Variants in CRTAP observed in about 807,000 individuals in gnomAD.
The protein encoded by CRTAP is cartilage-associated protein.
CRTAP carries 33 observed loss-of-function variants against 42.7 expected under a neutral mutation model. The ratio of observed to expected loss-of-function variants is 0.77; its 90% CI spans 0.59 to 1.03. CRTAP has a LOEUF of 1.03. Ranked by LOEUF, CRTAP falls within the 50% of genes least tolerant of loss-of-function variation. CRTAP has a pLI of 0.00. For synonymous variants in CRTAP, 243 were observed against 217.7 expected, an observed-to-expected ratio of 1.12 and a Z score of -1.02; for missense variants, 613 against 533.9, an observed-to-expected ratio of 1.15 and a Z score of -1.46.
At chr3:33,120,100 T>C (rs907661804) in intron 1 of CRTAP, among the ~76,000 whole-genome samples, 5 of 152,144 alleles carry the variant, frequency 3.3e-5, no homozygotes, top group African/African-American at 1.2e-4. Context: ...TCCTGGGGCA[T>C]GTAGCCAGTG....
At chr3:33,122,950 T>G (rs1422737670) in intron 2 of CRTAP, among the ~76,000 whole-genome samples, 2 of 151,952 alleles carry the variant, frequency 1.3e-5, no homozygotes, top group Non-Finnish European at 2.9e-5. Flanking sequence ...ACTTCCTTGG[T>G]CCTAGTTTAT....
At chr3:33,130,159 AG>A (rs1364169734) in intron 4 of CRTAP, 92 bp downstream of exon 4, 1 of 1,322,860 alleles carries the variant, frequency 7.6e-7, no homozygotes, top group African/African-American at 1.5e-5. Flanking sequence ...GGTTGTTGAG[AG>A]TTCATCAAGG....
At chr3:33,134,018 A>C (rs921554431) in intron 5 of CRTAP, among the ~76,000 whole-genome samples, 164 bp from the exon 6 acceptor site, 8 of 152,188 alleles carry the variant, frequency 5.3e-5, no homozygotes, top group Non-Finnish European at 1.2e-4. Flanking sequence ...AAAGTGTACA[A>C]TTCAGTGGTT....
At chr3:33,140,578 CTTA>C (rs2030545022) in intron 6 of CRTAP, among the ~76,000 whole-genome samples, 2 of 152,160 alleles carry the variant, frequency 1.3e-5, no homozygotes, top group Admixed American at 6.5e-5. Context: ...GGCATTCTTC[CTTA>C]TTATCTTTCT....
intron 2 of CRTAP, among the ~76,000 whole-genome samples, chr3:33,121,218 G>A (rs1306902374): frequency 6.6e-6 from 1 of 152,086 alleles, no homozygotes; most frequent in African/African-American, 2.4e-5. Context: ...AGACCAGCCT[G>A]GCCAATATGG....
At chr3:33,119,695 A>G (rs1289360348) in intron 1 of CRTAP, among the ~76,000 whole-genome samples, 1 of 152,226 alleles carries the variant, frequency 6.6e-6, no homozygotes, top group Non-Finnish European at 1.5e-5. Flanking sequence ...GATATGGTGC[A>G]GTCATATTGG....
At chr3:33,138,159 A>G (rs2030476316) in intron 6 of CRTAP, among the ~76,000 whole-genome samples, 1 of 151,934 alleles carries the variant, frequency 6.6e-6, no homozygotes, top group African/African-American at 2.4e-5. Flanking sequence ...GCTTTATACT[A>G]TATTTTGAAA....
At chr3:33,123,413 A>G (rs571090773) in intron 2 of CRTAP, among the ~76,000 whole-genome samples, 33 of 152,022 alleles carry the variant, frequency 2.2e-4, no homozygotes, top group African/African-American at 8.0e-4. Context: ...TGAGTGAGTT[A>G]TCATGAGACC....
At position 33,114,033 on chromosome 3, in the gene CRTAP, T is replaced by G. The variant is rs1369155614; in HGVS notation, c.-45T>G. 3 of 1,382,250 alleles carry G rather than the reference T, an allele frequency of 2.2e-6. No homozygotes were observed. The highest frequency in any genetic ancestry group is 2.9e-5 in the Admixed American group (1 of 34,976). The allele number at this position is 1,382,250 out of a possible 1,614,324, so 85.6% of individuals were successfully genotyped here. On this transcript the variant is annotated 5_prime_UTR_variant, in exon 1 of 7. Coordinates refer to ENST00000320954, the MANE Select transcript of CRTAP (RefSeq NM_006371.5). ...CTCTTTCCTTTCCTTCTCCCTCCCCTTTTCCCTTCCTTCGTCCCTTCCTTC... is the reference window on the plus strand; with the variant it reads ...CTCTTTCCTTTCCTTCTCCCTCCCCGTTTCCCTTCCTTCGTCCCTTCCTTC...
chr3:33,125,501 T>TG (rs1361422268), intron 3 of CRTAP, among the ~76,000 whole-genome samples: 1 of 145,906 alleles, frequency 6.9e-6, no homozygotes, highest in Non-Finnish European at 1.5e-5. Flanking sequence ...GTTTTTTTTT[T>TG]TTTTTTTTTT....
At position 33,114,385 on chromosome 3, in the gene CRTAP, A is replaced by G. The variant is rs769117004; in HGVS notation, c.308A>G (p.Tyr103Cys). The G allele has an allele frequency of 6.6e-5, 101 of 1,533,120 alleles. No individual in the cohort carries two copies. The highest frequency in any genetic ancestry group is 8.4e-5 in the Non-Finnish European group (96 of 1,145,492). The allele number at this position is 1,533,120 out of a possible 1,614,324, so 95.0% of individuals were successfully genotyped here. Residue 103 changes from tyrosine (Y) to cysteine (C), a missense_variant, in exon 1 of 7, where the codon TAT becomes TGT. Coordinates refer to ENST00000320954, the MANE Select transcript of CRTAP (RefSeq NM_006371.5). ...QPEPAAGLAS[Y>C]PELRLFGGLL... ...GAGCCCGCCGCCGGCCTCGCCAGCT[A>G]TCCCGAGCTGCGCCTCTTCGGGGGC...
Position 33,120,452 on chromosome 3 carries a change from G to GC in CRTAP, c.582dup (p.Glu195ArgfsTer5), listed in dbSNP as rs1316550807. ...GGCATATTATAAGAGCCTGCCTGGT[G>GC]CCGAGGACTACATTAAAGACCTGGA... On this transcript the variant is annotated frameshift_variant, in exon 2 of 7. Transcript: ENST00000320954. LOFTEE classifies it high-confidence loss of function. 6.2e-7 allele frequency: 1 copy of GC among 1,611,746 alleles called. No individual in the cohort carries two copies. The highest frequency in any genetic ancestry group is 8.5e-7 in the Non-Finnish European group (1 of 1,177,856).
intron 6 of CRTAP, among the ~76,000 whole-genome samples, chr3:33,139,770 A>T (rs919907644): frequency 6.6e-6 from 1 of 152,048 alleles, no homozygotes; most frequent in Admixed American, 6.5e-5. Context: ...GAGCCACCGC[A>T]CCCGGCCTGA....
chr3:33,123,180 T>C (rs1005416314), intron 2 of CRTAP, among the ~76,000 whole-genome samples: 2 of 152,204 alleles, frequency 1.3e-5, no homozygotes, highest in African/African-American at 4.8e-5. Flanking sequence ...TCCTAGTAAC[T>C]AGTGCTGATG....
chr3:33,128,623 G>T (rs1324640562), intron 3 of CRTAP, among the ~76,000 whole-genome samples: 2 of 152,156 alleles, frequency 1.3e-5, no homozygotes, highest in African/African-American at 4.8e-5. Flanking sequence ...TTTTGTTGGT[G>T]ATGGTAGTAA....
Position 33,147,253 on chromosome 3 carries a change from G to A in CRTAP, c.*4805G>A, listed in dbSNP as rs542370215. On this transcript the variant is annotated 3_prime_UTR_variant, in exon 7 of 7. Transcript: ENST00000320954. ...GGGCAAGACTGATCCCCATGCCTGT[G>A]CCCATGACATCTCCCTGAAAGAGGA... 2.0e-5 allele frequency: 3 copies of A among 152,894 alleles called. No homozygotes were observed. The highest frequency in any genetic ancestry group is 4.8e-5 in the African/African-American group (2 of 41,578). The allele number at this position is 152,894 out of a possible 1,614,324, so 9.5% of individuals were successfully genotyped here.
intron 2 of CRTAP, among the ~76,000 whole-genome samples, chr3:33,121,881 A>G (rs1278821853): frequency 6.6e-6 from 1 of 152,124 alleles, no homozygotes; most frequent in Non-Finnish European, 1.5e-5. Flanking sequence ...CAGGACCCCA[A>G]CAGCCTGTTC....
chr3:33,127,831 C>CT, intron 3 of CRTAP, among the ~76,000 whole-genome samples: 1 of 152,134 alleles, frequency 6.6e-6, no homozygotes, highest in South Asian at 2.1e-4. Context: ...ACTGCAACCT[C>CT]TGTCTGCCGG....
intron 4 of CRTAP, among the ~76,000 whole-genome samples, chr3:33,131,356 A>G (rs766194334): frequency 3.9e-5 from 6 of 151,990 alleles, no homozygotes; most frequent in African/African-American, 1.5e-4. Flanking sequence ...AAGAATATGT[A>G]TTATATAAAT....
Sources: allele counts gnomAD v4.1 joint callset (sites outside exome capture counted in the v4.1 genomes callset), GRCh38; gene constraint gnomAD v4.1.1; transcripts MANE v1.5; gene names NCBI Gene and HGNC (gene_info 2026-07-23, HGNC 2026-07-21).